PAK3: variants seen among roughly 807,000 people sequenced by gnomAD.
PAK3 encodes the protein serine/threonine-protein kinase PAK 3.
Under a neutral mutation model 41.0 loss-of-function variants are expected in PAK3, and 4 were observed. That is an observed-to-expected ratio of 0.10 (90% confidence interval 0.05 to 0.22). The LOEUF is 0.22. Among genes scored for constraint, PAK3 ranks in the 10% least tolerant of loss-of-function variants. The probability of loss-of-function intolerance (pLI) is 1.00; values close to 1 mark genes in which losing one functional copy is unlikely to be tolerated. For missense variants in PAK3, 205 were observed against 409.9 expected (o/e 0.50, Z 4.32); for synonymous variants, 146 against 139.6 (o/e 1.05, Z -0.32).
chrX:111,100,110 C>A (rs1338258573), intron 3 of PAK3, among the ~76,000 whole-genome samples: 1 of 110,273 alleles, frequency 9.1e-6, no homozygotes, highest in East Asian at 2.9e-4. Context: ...ATAACCAAGC[C>A]CCTGAAAGGT....
At chrX:111,056,503 C>T (rs1419409045) in intron 1 of PAK3, among the ~76,000 whole-genome samples, 1 of 111,939 alleles carries the variant, frequency 8.9e-6, no homozygotes, top group Non-Finnish European at 1.9e-5. Flanking sequence ...CCATTTCTGC[C>T]CAATTCTCTC....
At chrX:111,126,030 A>G (rs945009165) in intron 5 of PAK3, among the ~76,000 whole-genome samples, 4 of 111,644 alleles carry the variant, frequency 3.6e-5, no homozygotes, top group African/African-American at 6.5e-5. Flanking sequence ...GCAAGTTGTT[A>G]TAACTTCAGG....
intron 11 of PAK3, among the ~76,000 whole-genome samples, chrX:111,187,619 T>C (rs2094523019): frequency 4.5e-5 from 5 of 111,124 alleles, no homozygotes. Context: ...TGAGATCTCT[T>C]GAAGGAGAGA....
At chrX:111,121,839 G>C (rs905426920) in intron 4 of PAK3, among the ~76,000 whole-genome samples, 2 of 111,630 alleles carry the variant, frequency 1.8e-5, no homozygotes, top group African/African-American at 3.3e-5. Context: ...ACTTGAATTA[G>C]AGTAGGAAAA....
chrX:111,059,575 A>T (rs1475574232), intron 1 of PAK3, among the ~76,000 whole-genome samples: 3 of 111,450 alleles, frequency 2.7e-5, no homozygotes, highest in Non-Finnish European at 1.9e-5. Context: ...TGAACATAGG[A>T]TGTCTTTTCA....
chrX:110,946,836 A>C (rs894753971), intron 1 of PAK3, among the ~76,000 whole-genome samples: 1 of 112,771 alleles, frequency 8.9e-6, no homozygotes, highest in African/African-American at 3.2e-5. Flanking sequence ...TATAAAATAG[A>C]AACTAACCTG....
At chrX:110,963,585 A>G (rs1237538472) in intron 1 of PAK3, among the ~76,000 whole-genome samples, 6 of 112,562 alleles carry the variant, frequency 5.3e-5, no homozygotes, top group Non-Finnish European at 7.5e-5. Context: ...TGACTGACCT[A>G]AGCCTCTAGT....
intron 1 of PAK3, among the ~76,000 whole-genome samples, chrX:111,088,393 C>T (rs2092905684): frequency 9.0e-6 from 1 of 111,681 alleles, no homozygotes; most frequent in African/African-American, 3.3e-5. Context: ...GCATGCTGGA[C>T]GTCTATGTAA....
intron 1 of PAK3, among the ~76,000 whole-genome samples, chrX:111,066,809 A>G (rs1348493031): frequency 8.9e-6 from 1 of 112,274 alleles, no homozygotes; most frequent in African/African-American, 3.2e-5. Context: ...TCTCTTAACA[A>G]CTCTGTGAGA....
intron 11 of PAK3, among the ~76,000 whole-genome samples, chrX:111,187,229 T>C (rs1192428679): frequency 8.9e-6 from 1 of 112,115 alleles, no homozygotes; most frequent in Non-Finnish European, 1.9e-5. Flanking sequence ...TTAGCTGTTC[T>C]CAGGTAATTG....
chrX:110,944,701 G>A (rs778817448), intron 1 of PAK3: 4 of 112,445 alleles, frequency 3.6e-5, no homozygotes, highest in African/African-American at 1.3e-4. Context: ...GGGAGGGCAC[G>A]GGGCGGGAGG....
chrX:111,168,937 T>G (rs913952003), intron 10 of PAK3, among the ~76,000 whole-genome samples: 1 of 111,750 alleles, frequency 8.9e-6, no homozygotes, highest in African/African-American at 3.2e-5. Context: ...AGGATGGCTC[T>G]CAGTTATATA....
chrX:111,142,218 T>C (rs1236716637), intron 6 of PAK3, 22 bp downstream of exon 6: 1 of 874,564 alleles, frequency 1.1e-6, no homozygotes, highest in Non-Finnish European at 1.7e-6. Flanking sequence ...CCTTGTTTTG[T>C]TTTGTAAGCC....
At chrX:111,017,971 G>A (rs1160474847) in intron 1 of PAK3, among the ~76,000 whole-genome samples, 1 of 111,617 alleles carries the variant, frequency 9.0e-6, no homozygotes, top group South Asian at 3.7e-4. Flanking sequence ...TTAACAGCAT[G>A]AAGGGGAAAA....
At position 110,955,133 on chromosome X, in the gene PAK3, G is replaced by A. The variant is rs149591758; in HGVS notation, c.-28+10505G>A. Among the ~76,000 whole-genome samples the A allele has an allele frequency of 3.3e-3, 365 of 112,096 alleles. 2 individuals are homozygous for A. Among genetic ancestry groups the A allele is most frequent in the South Asian group, 6.4e-3 (17 of 2,651 alleles). On this transcript the variant is annotated intron_variant, in intron 1 of 14. Coordinates refer to the PAK3 transcript ENST00000425146. The stretch of plus-strand genomic sequence containing the variant: ...AGACTCATTGATCTACGACTGATAC[G>A]ATTCAAACTCATGAACATAACCAAA...
At chrX:111,160,605 A>G (rs895286925) in intron 8 of PAK3, among the ~76,000 whole-genome samples, 3 of 108,101 alleles carry the variant, frequency 2.8e-5, no homozygotes, top group South Asian at 4.1e-4. Context: ...ACCTAATGCT[A>G]TCCCTCCCCG....
At chrX:111,185,680 G>T (rs1254668410) in intron 11 of PAK3, among the ~76,000 whole-genome samples, 1 of 110,710 alleles carries the variant, frequency 9.0e-6, no homozygotes, top group African/African-American at 3.3e-5. Context: ...TGTTGTAGAT[G>T]TGTGGCATTA....
intron 5 of PAK3, among the ~76,000 whole-genome samples, chrX:111,136,387 A>T (rs1350350026): frequency 9.0e-6 from 1 of 111,697 alleles, no homozygotes; most frequent in East Asian, 2.8e-4. Flanking sequence ...TCATGGTTGG[A>T]TTCTATTAGG....
intron 1 of PAK3, among the ~76,000 whole-genome samples, chrX:111,024,464 A>G (rs770531196): frequency 3.6e-5 from 4 of 111,676 alleles, no homozygotes; most frequent in Non-Finnish European, 7.5e-5. Context: ...ATAGCATTGA[A>G]TCTATAAATT....
Sources: gnomAD v4.1 joint callset for allele counts (sites outside exome capture counted in the v4.1 genomes callset) on GRCh38, gnomAD v4.1.1 for gene constraint, MANE v1.5 for transcripts, NCBI Gene and HGNC (gene_info 2026-07-23, HGNC 2026-07-21) for gene names.